Variants in RALGAPA1 observed in about 807,000 individuals in gnomAD.
The protein encoded by RALGAPA1 is ral GTPase-activating protein subunit alpha-1.
RALGAPA1 carries 52 observed loss-of-function variants against 269.6 expected under a neutral mutation model. The observed-to-expected ratio is 0.19, with a 90% CI of 0.15 to 0.24. The LOEUF is 0.24. Among genes scored for constraint, RALGAPA1 ranks in the 10% least tolerant of loss-of-function variants. The pLI, the probability that RALGAPA1 is intolerant of heterozygous loss-of-function variation, is 1.00. For missense variants in RALGAPA1, 1,917 were observed against 3,013.9 expected (o/e 0.64, Z 8.52); for synonymous variants, 817 against 1,008.3 (o/e 0.81, Z 3.60).
intron 31 of RALGAPA1, among the ~76,000 whole-genome samples, chr14:35,642,636 G>A (rs913571337): frequency 6.6e-6 from 1 of 152,138 alleles, no homozygotes; most frequent in Admixed American, 6.5e-5. Flanking sequence ...CCCACAATGA[G>A]ATACCATCTC....
At chr14:35,645,231 C>T (rs1236364183) in intron 31 of RALGAPA1, among the ~76,000 whole-genome samples, 1 of 152,050 alleles carries the variant, frequency 6.6e-6, no homozygotes, top group Non-Finnish European at 1.5e-5. Flanking sequence ...ATCCTCACGA[C>T]CTAATTACCT....
At chr14:35,661,219 A>G (rs1270197149) in intron 27 of RALGAPA1, among the ~76,000 whole-genome samples, 1 of 152,174 alleles carries the variant, frequency 6.6e-6, no homozygotes, top group African/African-American at 2.4e-5. Context: ...TGTTATCAAG[A>G]CATCATATTG....
At chr14:35,761,805 G>A (rs1212402853) in intron 5 of RALGAPA1, among the ~76,000 whole-genome samples, 2 of 152,088 alleles carry the variant, frequency 1.3e-5, no homozygotes, top group African/African-American at 4.8e-5. Context: ...CTTGTTCATG[G>A]CCACTGTCAA....
At chr14:35,547,633 T>C (rs2054570633) in intron 41 of RALGAPA1, among the ~76,000 whole-genome samples, 1 of 152,152 alleles carries the variant, frequency 6.6e-6, no homozygotes, top group South Asian at 2.1e-4. Context: ...ACTTAATTAG[T>C]TATTTTGCTG....
intron 4 of RALGAPA1, among the ~76,000 whole-genome samples, chr14:35,765,226 T>C (rs1279830125): frequency 6.6e-6 from 1 of 152,214 alleles, no homozygotes; most frequent in African/African-American, 2.4e-5. Context: ...CCTTTGTTAG[T>C]ATAACTTTAT....
At chr14:35,550,512 C>CA (rs1352672049) in intron 39 of RALGAPA1, among the ~76,000 whole-genome samples, 2 of 151,092 alleles carry the variant, frequency 1.3e-5, no homozygotes, top group Non-Finnish European at 2.9e-5. Flanking sequence ...AGCCAAGACC[C>CA]AAAAAAATAA....
intron 26 of RALGAPA1, among the ~76,000 whole-genome samples, chr14:35,665,726 A>G (rs1341481445): frequency 6.6e-6 from 1 of 152,226 alleles, no homozygotes; most frequent in Non-Finnish European, 1.5e-5. Context: ...AATTTAAAAT[A>G]AAAATTATTG....
intron 39 of RALGAPA1, among the ~76,000 whole-genome samples, chr14:35,549,926 T>C (rs1213053476): frequency 1.3e-5 from 2 of 152,170 alleles, no homozygotes; most frequent in Non-Finnish European, 2.9e-5. Flanking sequence ...ACAGGACTCC[T>C]AAATACTGTC....
intron 1 of RALGAPA1, among the ~76,000 whole-genome samples, chr14:35,794,056 T>C (rs1567244394): frequency 6.6e-6 from 1 of 152,186 alleles, no homozygotes; most frequent in African/African-American, 2.4e-5. Context: ...GAGGTCAAGT[T>C]CATTTTTCAA....
At chr14:35,615,544 C>A (rs982442387) in intron 35 of RALGAPA1, among the ~76,000 whole-genome samples, 1 of 152,052 alleles carries the variant, frequency 6.6e-6, no homozygotes, top group Non-Finnish European at 1.5e-5. Flanking sequence ...TACTTGAGCT[C>A]ATTGTATTGA....
chr14:35,770,792 T>C (rs908189777), intron 4 of RALGAPA1, 150 bp downstream of exon 4: 39 of 338,060 alleles, frequency 1.2e-4, no homozygotes, highest in Admixed American at 5.0e-5. Context: ...TAATTTTTCT[T>C]ATATTCCTAG....
At position 35,677,851 on chromosome 14, in the gene RALGAPA1, A is replaced by G. The variant is rs2065081386; in HGVS notation, c.4624+99T>C. The G allele has an allele frequency of 6.1e-6, 7 of 1,145,380 alleles. No individual in the cohort carries two copies. The East Asian group carries it at 1.8e-4, about 30-fold the overall frequency. 71.0% of individuals were successfully genotyped at this position (1,145,380 alleles called of 1,614,324 possible). A position where few individuals can be genotyped will look rare whatever the true frequency, so the allele number is the denominator to read the frequency against. On this transcript the variant is annotated intron_variant, in intron 22 of 41. Coordinates refer to ENST00000680220, the MANE Select transcript of RALGAPA1 (RefSeq NM_001346249.2). ...ACTTAGAAAAGTCCAAAATATTTACAATAATCATATATAATCAAATGTAAG... is the reference window on the plus strand; with the variant it reads ...ACTTAGAAAAGTCCAAAATATTTACGATAATCATATATAATCAAATGTAAG...
intron 13 of RALGAPA1, 25 bp from the exon 14 acceptor site, chr14:35,725,178 G>T: frequency 6.7e-7 from 1 of 1,502,030 alleles, no homozygotes; most frequent in Middle Eastern, 1.8e-4. Flanking sequence ...ACTGATTAAT[G>T]TTTCCTTCTT....
At chr14:35,601,513 A>G (rs768221376) in intron 36 of RALGAPA1, among the ~76,000 whole-genome samples, 6 of 152,262 alleles carry the variant, frequency 3.9e-5, no homozygotes, top group South Asian at 2.1e-4. Context: ...TGCAGTTATT[A>G]TCTAAATGTT....
Position 35,689,098 on chromosome 14 carries a change from G to A in RALGAPA1, c.3313C>T (p.Leu1105=), listed in dbSNP as rs2066245042. Reference sequence around the variant, plus strand: ...ATTCTGCGGTTAACAGGTGCTTTTAGTGTTGCTTTCTTGGCACGCATAACA... The same window carrying A: ...ATTCTGCGGTTAACAGGTGCTTTTAATGTTGCTTTCTTGGCACGCATAACA... ...PHVMRAKKAT[L]KAPVNRRMPH... is the part of the protein sequence containing the mutation. Residue 1105 remains leucine, a synonymous_variant, in exon 18 of 42, where the codon CTA becomes TTA. Transcript: ENST00000680220. The A allele has an allele frequency of 8.1e-7, 1 of 1,235,578 alleles. No individual in the cohort carries two copies. Among genetic ancestry groups the A allele is most frequent in the East Asian group, 3.1e-5 (1 of 31,816 alleles). 76.5% of individuals were successfully genotyped at this position (1,235,578 alleles called of 1,614,324 possible).
intron 1 of RALGAPA1, among the ~76,000 whole-genome samples, chr14:35,790,643 G>T (rs1297803362): frequency 6.9e-6 from 1 of 145,114 alleles, no homozygotes; most frequent in East Asian, 2.1e-4. Context: ...AGCCTAGATC[G>T]CGCCACTGCA....
intron 39 of RALGAPA1, among the ~76,000 whole-genome samples, chr14:35,556,062 A>C (rs947119550): frequency 6.6e-6 from 1 of 152,238 alleles, no homozygotes; most frequent in Non-Finnish European, 1.5e-5. Context: ...AAAAATTTGA[A>C]AACAAACCAC....
chr14:35,770,868 A>C lies in RALGAPA1; in HGVS notation c.325+74T>G, dbSNP rs923509464. ...CATCACCTATTAATTCATTTCAACTAACAACCCATTAAAGAACATTTTTCA... is the reference window on the plus strand; with the variant it reads ...CATCACCTATTAATTCATTTCAACTCACAACCCATTAAAGAACATTTTTCA... On this transcript the variant is annotated intron_variant, in intron 4 of 41. Transcript: ENST00000680220. 3 of 514,474 alleles carry C rather than the reference A, an allele frequency of 5.8e-6. No homozygotes were observed. In the African/African-American group the frequency reaches 6.0e-5, roughly 10 times the overall value. 31.9% of individuals were successfully genotyped at this position (514,474 alleles called of 1,614,324 possible). A position where few individuals can be genotyped will look rare whatever the true frequency, so the allele number is the denominator to read the frequency against.
chr14:35,723,001 A>T, intron 15 of RALGAPA1, 26 bp downstream of exon 15: 1 of 1,430,136 alleles, frequency 7.0e-7, no homozygotes, highest in Non-Finnish European at 9.8e-7. Context: ...AAATTTATAT[A>T]GAGCATCTCT....
Sources: allele counts gnomAD v4.1 joint callset (sites outside exome capture counted in the v4.1 genomes callset), GRCh38; gene constraint gnomAD v4.1.1; transcripts MANE v1.5; gene names NCBI Gene and HGNC (gene_info 2026-07-23, HGNC 2026-07-21).